Variants in MKLN1 observed in about 807,000 individuals in gnomAD.
The protein encoded by MKLN1 is muskelin 1.
Under a neutral mutation model 99.0 loss-of-function variants are expected in MKLN1, and 18 were observed. The ratio of observed to expected loss-of-function variants is 0.18; its 90% CI spans 0.13 to 0.27. The LOEUF is 0.27. Among genes scored for constraint, MKLN1 ranks in the 10% least tolerant of loss-of-function variants. The pLI is 1.00. For missense variants in MKLN1, 621 were observed against 875.9 expected (o/e 0.71, Z 3.67); for synonymous variants, 288 against 293.2 (o/e 0.98, Z 0.18).
At chr7:131,152,504 T>C (rs1000735588) in intron 2 of MKLN1, among the ~76,000 whole-genome samples, 2 of 147,622 alleles carry the variant, frequency 1.4e-5, no homozygotes, top group African/African-American at 4.9e-5. Flanking sequence ...TTTTTTTCTT[T>C]TTTTTTTTTT....
chr7:131,351,733 T>C (rs1229532531), intron 1 of MKLN1, among the ~76,000 whole-genome samples: 30 of 152,206 alleles, frequency 2.0e-4, no homozygotes, highest in Admixed American at 1.9e-3. Flanking sequence ...ATCAGTTTTT[T>C]AGAAAGACCA....
intron 3 of MKLN1, among the ~76,000 whole-genome samples, chr7:131,217,417 C>T (rs1483238252): frequency 6.6e-6 from 1 of 152,154 alleles, no homozygotes; most frequent in Non-Finnish European, 1.5e-5. Context: ...GATGGGATAG[C>T]TTGGGCACAG....
intron 1 of MKLN1, among the ~76,000 whole-genome samples, chr7:131,340,937 A>G (rs1799390376): frequency 6.6e-6 from 1 of 152,152 alleles, no homozygotes; most frequent in South Asian, 2.1e-4. Context: ...TTGTAACAGT[A>G]GAAAGCTTTT....
intron 3 of MKLN1, among the ~76,000 whole-genome samples, chr7:131,278,195 G>A (rs931265771): frequency 3.3e-5 from 5 of 151,632 alleles, no homozygotes; most frequent in African/African-American, 9.7e-5. Context: ...GGCACACCAC[G>A]CCTGGCTAAT....
intron 3 of MKLN1, among the ~76,000 whole-genome samples, chr7:131,211,014 T>C (rs1796898194): frequency 6.6e-6 from 1 of 151,462 alleles, no homozygotes; most frequent in Non-Finnish European, 1.5e-5. Context: ...TGGACTAGAG[T>C]ATACATTTCT....
chr7:131,298,265 G>A (rs1254850425), intron 3 of MKLN1, among the ~76,000 whole-genome samples: 1 of 146,762 alleles, frequency 6.8e-6, no homozygotes. Context: ...AGCAAGACTC[G>A]GTCTCAGAAA....
intron 1 of MKLN1, among the ~76,000 whole-genome samples, chr7:131,126,328 G>A (rs1391187065): frequency 6.6e-6 from 1 of 152,100 alleles, no homozygotes; most frequent in Non-Finnish European, 1.5e-5. Context: ...TTATAGTAAA[G>A]AATAATAAAG....
At chr7:131,337,935 G>A (rs1799297897) in intron 1 of MKLN1, among the ~76,000 whole-genome samples, 1 of 152,066 alleles carries the variant, frequency 6.6e-6, no homozygotes, top group Non-Finnish European at 1.5e-5. Flanking sequence ...CATGTCTTCA[G>A]ATTCACCCAT....
chr7:131,411,949 T>G (rs1338766373), intron 7 of MKLN1, among the ~76,000 whole-genome samples: 4 of 114,914 alleles, frequency 3.5e-5, no homozygotes, highest in Admixed American at 9.3e-5. Flanking sequence ...TAGCCAGACA[T>G]GTTGGCAGGC....
At chr7:131,415,116 G>GC (rs1396401500) in intron 8 of MKLN1, among the ~76,000 whole-genome samples, 3 of 144,442 alleles carry the variant, frequency 2.1e-5, no homozygotes, top group African/African-American at 7.6e-5. Flanking sequence ...GTTTGGTTTT[G>GC]TTTTTTTTTT....
intron 8 of MKLN1, among the ~76,000 whole-genome samples, chr7:131,416,693 T>G (rs1156461665): frequency 6.6e-6 from 1 of 151,982 alleles, no homozygotes; most frequent in African/African-American, 2.4e-5. Flanking sequence ...AAAAAAATAT[T>G]TCAGCTAGGC....
At chr7:131,120,231 A>T (rs929612751) in intron 1 of MKLN1, among the ~76,000 whole-genome samples, 1 of 151,184 alleles carries the variant, frequency 6.6e-6, no homozygotes, top group African/African-American at 2.4e-5. Context: ...CAGCTTAGAA[A>T]TTTTTTCTGT....
chr7:131,251,202 A>G (rs1417519779), intron 3 of MKLN1, among the ~76,000 whole-genome samples: 2 of 151,990 alleles, frequency 1.3e-5, no homozygotes, highest in Admixed American at 6.6e-5. Context: ...CACCATCACC[A>G]TTATCTATTT....
chr7:131,477,117 TAGG>T (rs751227182), intron 16 of MKLN1, among the ~76,000 whole-genome samples: 9 of 152,140 alleles, frequency 5.9e-5, no homozygotes, highest in Non-Finnish European at 1.3e-4. Context: ...GAAGAAAACA[TAGG>T]AGATTATCTT....
At chr7:131,283,341 T>A in intron 3 of MKLN1, among the ~76,000 whole-genome samples, 1 of 39,554 alleles carries the variant, frequency 2.5e-5, no homozygotes, top group East Asian at 6.2e-4. Context: ...TTCCCTTCCC[T>A]TCCCCTCCTT....
At position 131,489,906 on chromosome 7, in the gene MKLN1, A is replaced by G. The variant is rs955757281; in HGVS notation, c.*2178A>G. The G allele has an allele frequency of 5.9e-5, 9 of 152,030 alleles. No individual in the cohort carries two copies. The highest frequency in any genetic ancestry group is 2.2e-4 in the African/African-American group (9 of 41,398). The allele number at this position is 152,030 out of a possible 1,614,324, so 9.4% of individuals were successfully genotyped here. ...TTTCTGAAATTTTTTGCTCACCGCC[A>G]TGTTTAAATGGGGTTGAATCATAGC... On this transcript the variant is annotated 3_prime_UTR_variant, in exon 18 of 18. Coordinates refer to ENST00000352689, the MANE Select transcript of MKLN1 (RefSeq NM_013255.5).
intron 1 of MKLN1, among the ~76,000 whole-genome samples, chr7:131,121,964 G>A (rs910047381): frequency 2.0e-5 from 3 of 152,210 alleles, no homozygotes; most frequent in East Asian, 1.9e-4. Context: ...AGGAGACTAC[G>A]GGGCCAAGGA....
intron 3 of MKLN1, among the ~76,000 whole-genome samples, chr7:131,307,317 G>A (rs974449967): frequency 2.0e-5 from 3 of 152,194 alleles, no homozygotes; most frequent in Admixed American, 2.0e-4. Context: ...TACTAGGGCA[G>A]TGCAGAGGGG....
intron 2 of MKLN1, among the ~76,000 whole-genome samples, chr7:131,200,017 T>C (rs1387052291): frequency 2.0e-5 from 3 of 152,068 alleles, no homozygotes. Flanking sequence ...TTTAAATGTG[T>C]TGCTTTTTTT....
Sources: allele counts gnomAD v4.1 joint callset (sites outside exome capture counted in the v4.1 genomes callset), GRCh38; gene constraint gnomAD v4.1.1; transcripts MANE v1.5; gene names NCBI Gene and HGNC (gene_info 2026-07-23, HGNC 2026-07-21).